HCN1: variants seen among roughly 807,000 people sequenced by gnomAD.
HCN1 encodes hyperpolarization activated cyclic nucleotide gated potassium channel 1.
A neutral mutation model predicts 78.9 loss-of-function variants in HCN1; 13 were observed. The ratio of observed to expected loss-of-function variants is 0.16; its 90% CI spans 0.11 to 0.26. HCN1 has a LOEUF of 0.26. Among genes scored for constraint, HCN1 ranks in the 10% least tolerant of loss-of-function variants. HCN1 has a pLI of 1.00. For missense variants in HCN1, 810 were observed against 1,154.3 expected, an observed-to-expected ratio of 0.70 and a Z score of 4.32; for synonymous variants, 552 against 455.5, an observed-to-expected ratio of 1.21 and a Z score of -2.70.
chr5:45,665,098 C>A (rs899698033), intron 1 of HCN1, among the ~76,000 whole-genome samples: 2 of 151,386 alleles, frequency 1.3e-5, no homozygotes, highest in Non-Finnish European at 2.9e-5. Flanking sequence ...CACATATTCA[C>A]CGTGGAATAC....
chr5:45,454,359 C>CA (rs771681912), intron 3 of HCN1, among the ~76,000 whole-genome samples: 47 of 151,898 alleles, frequency 3.1e-4, no homozygotes, highest in Non-Finnish European at 6.2e-4. Context: ...AGGAGAATCG[C>CA]AACACTCAGC....
chr5:45,401,657 G>GTT (rs77219002), intron 3 of HCN1, among the ~76,000 whole-genome samples: 74 of 136,862 alleles, frequency 5.4e-4, no homozygotes, highest in South Asian at 9.5e-4. Context: ...CTAGAGAAAG[G>GTT]TTTTTTTTTT....
At chr5:45,371,540 C>T (rs1039689730) in intron 4 of HCN1, among the ~76,000 whole-genome samples, 3 of 151,510 alleles carry the variant, frequency 2.0e-5, no homozygotes, top group African/African-American at 7.3e-5. Flanking sequence ...GGACAGATCA[C>T]GAGGTCAGGA....
chr5:45,573,915 A>G (rs1426925473), intron 2 of HCN1, among the ~76,000 whole-genome samples: 1 of 152,112 alleles, frequency 6.6e-6, no homozygotes, highest in African/African-American at 2.4e-5. Context: ...TATGAGAAAA[A>G]TACACTGAAT....
In HCN1 at chr5:45,684,094, A is replaced by C. The variant is rs370743748; in HGVS notation, c.425+11575T>G. On this transcript the variant is annotated intron_variant, in intron 1 of 7. Coordinates refer to ENST00000303230, the MANE Select transcript of HCN1 (RefSeq NM_021072.4). ...ATATTAGATAGTTCAGGAAGTCTTA[A>C]TTTGGGTTCCAAAAATAAATGTGCT... Among the ~76,000 whole-genome samples, 6 of 152,142 alleles carry C rather than the reference A, an allele frequency of 3.9e-5. No individual in the cohort carries two copies. In the South Asian group the frequency reaches 1.2e-3, roughly 32 times the overall value.
intron 2 of HCN1, among the ~76,000 whole-genome samples, chr5:45,521,424 G>A (rs1216080492): frequency 6.6e-6 from 1 of 151,900 alleles, no homozygotes; most frequent in Admixed American, 6.6e-5. Context: ...CAGCAAGGTT[G>A]GTTTCTTGTG....
chr5:45,695,911 C>T lies in HCN1; in HGVS notation c.183G>A (p.Val61=). Residue 61 remains valine, a synonymous_variant, in exon 1 of 8, where the codon GTG becomes GTA. Coordinates refer to ENST00000303230, the MANE Select transcript of HCN1 (RefSeq NM_021072.4). The stretch of plus-strand genomic sequence containing the variant: ...CGCCGCCACCGCCGCCACCGCCGTC[C>T]ACCTTGAAGCACACGGAGTTGCCGT... ...KEHGNSVCFK[V]DGGGGGGGGG... 6.7e-7 allele frequency: 1 copy of T among 1,501,798 alleles called. No homozygotes were observed. The highest frequency in any genetic ancestry group is 1.4e-5 in the African/African-American group (1 of 70,070). 93.0% of individuals were successfully genotyped at this position (1,501,798 alleles called of 1,614,324 possible).
At chr5:45,437,970 T>G (rs1273998706) in intron 3 of HCN1, among the ~76,000 whole-genome samples, 2 of 152,132 alleles carry the variant, frequency 1.3e-5, no homozygotes, top group African/African-American at 4.8e-5. Flanking sequence ...TGGCTCTGCA[T>G]TGGGCAGCTC....
chr5:45,372,053 A>C (rs1195781261), intron 4 of HCN1, among the ~76,000 whole-genome samples: 4 of 54,778 alleles, frequency 7.3e-5, no homozygotes, highest in Non-Finnish European at 1.1e-4. Context: ...TTATATATAT[A>C]ATATAATTAT....
chr5:45,501,501 C>T (rs1182826991), intron 2 of HCN1, among the ~76,000 whole-genome samples: 4 of 151,920 alleles, frequency 2.6e-5, no homozygotes, highest in African/African-American at 7.3e-5. Flanking sequence ...GTGGCGTGAC[C>T]TCGGCTCACT....
chr5:45,502,949 A>G (rs1000752711), intron 2 of HCN1, among the ~76,000 whole-genome samples: 8 of 152,198 alleles, frequency 5.3e-5, no homozygotes, highest in Non-Finnish European at 1.2e-4. Flanking sequence ...ATCTATTAAA[A>G]ATTAGAAACA....
intron 2 of HCN1, among the ~76,000 whole-genome samples, chr5:45,492,719 C>A (rs1579927914): frequency 6.6e-6 from 1 of 152,016 alleles, no homozygotes; most frequent in East Asian, 1.9e-4. Flanking sequence ...CCAGGCTGGT[C>A]TTGAACTCCC....
chr5:45,346,361 G>C (rs769775475), intron 5 of HCN1, among the ~76,000 whole-genome samples: 1 of 152,160 alleles, frequency 6.6e-6, no homozygotes, highest in Non-Finnish European at 1.5e-5. Context: ...AGAAGTGTAA[G>C]AAATATGAAT....
intron 4 of HCN1, among the ~76,000 whole-genome samples, chr5:45,354,385 C>G (rs1746970019): frequency 6.6e-6 from 1 of 151,876 alleles, no homozygotes; most frequent in South Asian, 2.1e-4. Context: ...GTTGGTAACA[C>G]AACTGGATAA....
intron 3 of HCN1, among the ~76,000 whole-genome samples, chr5:45,412,053 G>A (rs1383353484): frequency 6.6e-6 from 1 of 152,062 alleles, no homozygotes; most frequent in Non-Finnish European, 1.5e-5. Context: ...CAACAGTATG[G>A]CTTACTGACA....
chr5:45,368,533 T>C (rs561239464), intron 4 of HCN1, among the ~76,000 whole-genome samples: 4 of 152,120 alleles, frequency 2.6e-5, no homozygotes, highest in African/African-American at 9.6e-5. Flanking sequence ...CCCAGTTTTA[T>C]GGCTTTAGAC....
intron 3 of HCN1, among the ~76,000 whole-genome samples, chr5:45,443,739 A>G (rs921410220): frequency 3.6e-4 from 55 of 152,190 alleles, no homozygotes; most frequent in African/African-American, 1.3e-3. Context: ...ATAATTTAAT[A>G]TTTTTCTCTA....
chr5:45,482,683 C>T (rs1741678517), intron 2 of HCN1, among the ~76,000 whole-genome samples: 1 of 152,030 alleles, frequency 6.6e-6, no homozygotes, highest in Non-Finnish European at 1.5e-5. Flanking sequence ...TTTCATGGTG[C>T]TAAGGCTTGG....
chr5:45,652,623 A>AAT (rs1745695111), intron 1 of HCN1, among the ~76,000 whole-genome samples: 3 of 151,984 alleles, frequency 2.0e-5, no homozygotes, highest in African/African-American at 7.2e-5. Flanking sequence ...GTTACAAATA[A>AAT]CTATATATCC....
Sources: gnomAD v4.1 joint callset for allele counts (sites outside exome capture counted in the v4.1 genomes callset) on GRCh38, gnomAD v4.1.1 for gene constraint, MANE v1.5 for transcripts, NCBI Gene and HGNC (gene_info 2026-07-23, HGNC 2026-07-21) for gene names.